Variants in PKD1 observed in about 807,000 individuals in gnomAD.
PKD1 encodes polycystin 1, transient receptor potential channel interacting.
Under a neutral mutation model 361.7 loss-of-function variants are expected in PKD1, and 81 were observed. The ratio of observed to expected loss-of-function variants is 0.22; its 90% confidence interval spans 0.19 to 0.27. The LOEUF is 0.27. Among genes scored for constraint, PKD1 ranks in the 10% least tolerant of loss-of-function variants. The pLI, the probability that PKD1 is intolerant of heterozygous loss-of-function variation, is 1.00. For missense variants in PKD1, 6,399 were observed against 6,118.3 expected (o/e 1.05, Z -1.53); for synonymous variants, 3,615 against 2,818.3 (o/e 1.28, Z -8.95).
intron 1 of PKD1, among the ~76,000 whole-genome samples, chr16:2,133,444 G>A (rs368241323): frequency 2.7e-5 from 4 of 146,164 alleles, no homozygotes; most frequent in South Asian, 2.1e-4. Flanking sequence ...AGACAGCAAC[G>A]CTCTTGGACC....
rs751447044 is a variant in PKD1 at position 2,099,900 on chromosome 16, T to G, written c.9884A>C (p.Asn3295Thr). ...GCCAACAGCCCCGTACCACACGGCG[T>G]TGGCGCCCAGGAAGAGGCAGATGAG... is the stretch of plus-strand genomic sequence containing the variant. Reference protein sequence around the residue: ...VLLICLFLGANAVWYGAVGDS... With the variant: ...VLLICLFLGATAVWYGAVGDS... The change falls in exon 29 of 46, where the codon AAC (asparagine) becomes ACC (threonine). Residue 3295 changes from asparagine (N) to threonine (T), a missense_variant. By Grantham distance (65) the Asn-to-Thr change is moderately conservative. Coordinates refer to ENST00000262304, the MANE Select transcript of PKD1 (RefSeq NM_001009944.3). 3 of 1,567,376 alleles carry G rather than the reference T, an allele frequency of 1.9e-6. No individual in the cohort carries two copies. In the African/African-American group the frequency reaches 4.1e-5, roughly 21 times the overall value.
intron 30 of PKD1, among the ~76,000 whole-genome samples, chr16:2,098,425 G>A (rs1248471036): frequency 6.7e-6 from 1 of 150,206 alleles, no homozygotes; most frequent in Non-Finnish European, 1.5e-5. Flanking sequence ...GGCCAGGCTG[G>A]TCTTGGAACT....
At chr16:2,133,680 G>C (rs1423631965) in intron 1 of PKD1, among the ~76,000 whole-genome samples, 2 of 152,216 alleles carry the variant, frequency 1.3e-5, no homozygotes, top group South Asian at 2.1e-4. Flanking sequence ...CCACCTTCCA[G>C]AACTCTCCCA....
rs1420947386 is a variant in PKD1 at position 2,114,898 on chromosome 16, T to C, written c.2125A>G (p.Met709Val). Residue 709 changes from methionine (M) to valine (V), a missense_variant, in exon 11 of 46, where the codon ATG (methionine) becomes GTG (valine). Coordinates refer to ENST00000262304, the MANE Select transcript of PKD1 (RefSeq NM_001009944.3). ...SVTLHGQDVL[M>V]LPGDLVGLQH... ...AAGCCAACGAGGTCACCAGGGAGCA[T>C]GAGGACATCCTGGCCGTGGAGGGTG... The C allele has an allele frequency of 2.6e-6, 4 of 1,531,402 alleles. No individual in the cohort carries two copies. The highest frequency in any genetic ancestry group is 3.5e-6 in the Non-Finnish European group (4 of 1,142,928). The allele number at this position is 1,531,402 out of a possible 1,614,324, so 94.9% of individuals were successfully genotyped here. A position where few individuals can be genotyped will look rare whatever the true frequency, so the allele number is the denominator to read the frequency against.
intron 11 of PKD1, chr16:2,113,819 G>A (rs2092580399): frequency 4.7e-6 from 2 of 422,456 alleles, no homozygotes; most frequent in South Asian, 2.3e-5. Flanking sequence ...TTCCCATCAG[G>A]GGTTCAGACT....
At position 2,091,088 on chromosome 16, in the gene PKD1, G is replaced by A. The variant is rs900006933; in HGVS notation, c.11799C>T (p.Leu3933=). The A allele has an allele frequency of 3.1e-4, 468 of 1,506,418 alleles. No homozygotes were observed. The highest frequency in any genetic ancestry group is 3.7e-4 in the Non-Finnish European group (422 of 1,133,026). 93.3% of individuals were successfully genotyped at this position (1,506,418 alleles called of 1,614,324 possible). A position where few individuals can be genotyped will look rare whatever the true frequency, so the allele number is the denominator to read the frequency against. ...CCAGCAGCCACCGCGCCCAGGCTCC[G>A]AGCCGCAGCACGCGCCAGCGCCCTT... is the stretch of plus-strand genomic sequence containing the variant. ...HREGRWRVLR[L]GAWARWLLVA... is the part of the protein sequence containing the mutation. The change falls in exon 43 of 46, where the codon CTC becomes CTT. Residue 3933 remains leucine, a synonymous_variant. Coordinates refer to ENST00000262304, the MANE Select transcript of PKD1 (RefSeq NM_001009944.3).
At position 2,108,615 on chromosome 16, in the gene PKD1, C is replaced by A. The variant is rs1405592215; in HGVS notation, c.6552G>T (p.Glu2184Asp). ...CGGTGCGATACACCTCCCAGCGGTACTCAGTCTGGTAGGTGACGCAGTCGC... is the reference window on the plus strand; with the variant it reads ...CGGTGCGATACACCTCCCAGCGGTAATCAGTCTGGTAGGTGACGCAGTCGC... The part of the protein sequence containing the change: ...DLRDCVTYQT[E>D]YRWEVYRTAS... The change falls in exon 15 of 46, where the codon GAG becomes GAT. Residue 2184 changes from glutamate to aspartate, a missense_variant. Physicochemically the swap from Glu to Asp is conservative, Grantham distance 45 (BLOSUM62 2). Coordinates refer to ENST00000262304, the MANE Select transcript of PKD1 (RefSeq NM_001009944.3). 3 of 1,559,356 alleles carry A rather than the reference C, an allele frequency of 1.9e-6. No individual in the cohort carries two copies. The highest frequency in any genetic ancestry group is 2.6e-6 in the Non-Finnish European group (3 of 1,152,584).
At chr16:2,104,367 G>T (rs1352810444) in intron 22 of PKD1, 131 bp downstream of exon 22, 21 of 548,800 alleles carry the variant, frequency 3.8e-5, no homozygotes, top group Admixed American at 3.0e-4. Flanking sequence ...GGGGGATGAG[G>T]ATGGGAATTG....
At chr16:2,130,373 C>A (rs1002031405) in intron 1 of PKD1, among the ~76,000 whole-genome samples, 1 of 152,184 alleles carries the variant, frequency 6.6e-6, no homozygotes, top group Admixed American at 6.5e-5. Context: ...CTGGGCAGCT[C>A]CCTGTGGGAG....
At position 2,106,015 on chromosome 16, in the gene PKD1, G is replaced by A. The variant is rs1325902086; in HGVS notation, c.7713C>T (p.Ala2571=). 3.1e-6 allele frequency: 5 copies of A among 1,605,862 alleles called. No homozygotes were observed. Among genetic ancestry groups the A allele is most frequent in the South Asian group, 1.1e-5 (1 of 90,992 alleles). The change falls in exon 20 of 46, where the codon GCC becomes GCT. Residue 2571 remains alanine (A), a synonymous_variant. Transcript: ENST00000262304. This position sits in a 1 kb window ranked among gnomAD's most constrained non-coding sequence, Gnocchi z 6.5. ...TGCCGTTGGGCTCTGGGAGGGTGAT[G>A]GCCAAAGACCTACGAGCAGAGGGGG... is the stretch of plus-strand genomic sequence containing the variant. The part of the protein sequence containing the change: ...AAVVALNRSL[A]ITLPEPNGSA...
Position 2,092,140 on chromosome 16 carries a change from G to A in PKD1, c.11318C>T (p.Ala3773Val). 4.3e-6 allele frequency: 7 copies of A among 1,612,734 alleles called. No individual in the cohort carries two copies. In the African/African-American group the frequency reaches 5.3e-5, roughly 12 times the overall value. The change falls in exon 40 of 46, where the codon GCA becomes GTA. Residue 3773 changes from alanine to valine, a missense_variant. Ala to Val is a moderately conservative substitution (Grantham distance 64). Transcript: ENST00000262304. ...GTAATCGCTGGTGCTGAAGCCTCCT[G>A]CGGCCGAGCACGTGTGGACCCTGGG... ...PGPRVHTCSA[A>V]GGFSTSDYDV...
At position 2,110,181 on chromosome 16, in the gene PKD1, G is replaced by C. The variant is rs1439534688; in HGVS notation, c.4986C>G (p.Val1662=). 4.3e-6 allele frequency: 7 copies of C among 1,611,052 alleles called. No individual in the cohort carries two copies. Among genetic ancestry groups the C allele is most frequent in the South Asian group, 3.3e-5 (3 of 91,016 alleles). ...LQAVVRDGTN[V]SYSWTAWRDR... Reference sequence around the variant, plus strand: ...CCCTCCAGGCAGTCCAGCTGTAGGAGACGTTGGTGCCATCCCTAACCACGG... The same window carrying C: ...CCCTCCAGGCAGTCCAGCTGTAGGACACGTTGGTGCCATCCCTAACCACGG... The change falls in exon 15 of 46, where the codon GTC becomes GTG. Residue 1662 remains valine, a synonymous_variant. Coordinates refer to ENST00000262304, the MANE Select transcript of PKD1 (RefSeq NM_001009944.3).
intron 1 of PKD1, among the ~76,000 whole-genome samples, chr16:2,121,779 C>G (rs1221433873): frequency 6.6e-6 from 1 of 152,210 alleles, no homozygotes; most frequent in African/African-American, 2.4e-5. Context: ...TGCACACCAC[C>G]CCCCTGCTCC....
intron 1 of PKD1, among the ~76,000 whole-genome samples, chr16:2,123,900 G>T (rs541155015): frequency 6.6e-6 from 1 of 152,322 alleles, no homozygotes; most frequent in African/African-American, 2.4e-5. Flanking sequence ...CTTGTCGGGA[G>T]GAGTACACCC....
intron 14 of PKD1, 95 bp downstream of exon 14, chr16:2,112,245 T>C (rs2092531774): frequency 9.2e-6 from 10 of 1,089,266 alleles, no homozygotes; most frequent in South Asian, 5.3e-5. Context: ...GTGAGGGCTG[T>C]TGGGGAGGAA....
At position 2,106,945 on chromosome 16, in the gene PKD1, G is replaced by C; in HGVS notation, c.7069C>G (p.Leu2357Val). Residue 2357 changes from leucine (L) to valine (V), a missense_variant, in exon 17 of 46, where the codon CTG (leucine) becomes GTG (valine). Transcript: ENST00000262304. The surrounding 1 kb of genome is among the most constrained non-coding windows in gnomAD (Gnocchi z 6.5). ...ATGGGCACCCGGCCACTCCGGATCA[G>C]CACCTGGCGTGGGAGTGGGGTTACC... ...RKEEATNQTV[L>V]IRSGRVPIVS... 6.3e-7 allele frequency: 1 copy of C among 1,585,612 alleles called. No individual in the cohort carries two copies.
chr16:2,098,312 G>A (rs151031687), intron 30 of PKD1: 5,717 of 406,496 alleles, frequency 0.014, 65 homozygotes, highest in Non-Finnish European at 0.021. Context: ...GCGTTCAGGC[G>A]ATTGTCCTGG....
In PKD1 at chr16:2,110,936, G is replaced by A. The variant is rs147131259; in HGVS notation, c.4231C>T (p.Arg1411Cys). 86 of 1,610,962 alleles carry A rather than the reference G, an allele frequency of 5.3e-5. No homozygotes were observed. Among genetic ancestry groups the A allele is most frequent in the East Asian group, 6.7e-5 (3 of 44,892 alleles). ...TCGGTGCCAAAGTCCCAGGTGTAGCGGTAGGGGAACGGGGGCCAGGCACAT... is the reference window on the plus strand; with the variant it reads ...TCGGTGCCAAAGTCCCAGGTGTAGCAGTAGGGGAACGGGGGCCAGGCACAT... ...VACAWPPFPY[R>C]YTWDFGTEEA... Residue 1411 changes from arginine to cysteine, a missense_variant, in exon 15 of 46, where the codon CGC (arginine) becomes TGC (cysteine). Physicochemically the swap from Arg to Cys is radical, Grantham distance 180. Coordinates refer to ENST00000262304, the MANE Select transcript of PKD1 (RefSeq NM_001009944.3).
At position 2,109,576 on chromosome 16, in the gene PKD1, A is replaced by G; in HGVS notation, c.5591T>C (p.Ile1864Thr). ...MVFPDAGTFS[I>T]RLNASNAVSW... is the part of the protein sequence containing the mutation. ...GACTGCGTTGGAGGCATTGAGCCGG[A>G]TGGAGAAGGTGCCAGCATCCGGGAA... The change falls in exon 15 of 46, where the codon ATC becomes ACC. Residue 1864 changes from isoleucine (I) to threonine (T), a missense_variant. Coordinates refer to ENST00000262304, the MANE Select transcript of PKD1 (RefSeq NM_001009944.3). 1 of 1,611,806 alleles carries G rather than the reference A, an allele frequency of 6.2e-7. No homozygotes were observed. The highest frequency in any genetic ancestry group is 8.5e-7 in the Non-Finnish European group (1 of 1,179,584).
Sources: gnomAD v4.1 joint callset for allele counts (sites outside exome capture counted in the v4.1 genomes callset) on GRCh38, gnomAD v4.1.1 for gene constraint, Gnocchi (gnomAD v3.1) non-coding constraint, MANE v1.5 for transcripts, NCBI Gene and HGNC (gene_info 2026-07-23, HGNC 2026-07-21) for gene names.